B4GALT5: variants seen among roughly 807,000 people sequenced by gnomAD.
B4GALT5 encodes UDP-Gal:beta-GlcNAc beta-1,4-galactosyltransferase 5.
A neutral mutation model predicts 45.0 loss-of-function variants in B4GALT5; 11 were observed. That is an observed-to-expected ratio of 0.24 (90% confidence interval 0.15 to 0.40). B4GALT5 has a LOEUF of 0.40. Ranked by LOEUF, B4GALT5 falls within the 10% of genes least tolerant of loss-of-function variation. The pLI is 1.00. For missense variants in B4GALT5, 337 were observed against 500.2 expected (o/e 0.67, Z 3.11); for synonymous variants, 185 against 182.9 (o/e 1.01, Z -0.09).
At chr20:49,710,315 T>C (rs1197107233) in intron 1 of B4GALT5, among the ~76,000 whole-genome samples, 1 of 152,032 alleles carries the variant, frequency 6.6e-6, no homozygotes, top group Non-Finnish European at 1.5e-5. Flanking sequence ...GTGAACTACA[T>C]GAAACTGCTG....
Position 49,636,907 on chromosome 20 carries a change from GACAC to G in B4GALT5, c.1019+430_1019+433del, listed in dbSNP as rs5841760. Reference sequence around the variant, plus strand: ...ACAGTCTTCCCCACAATTTAGAAAAGACACACACACACACACACACACACACACA... The same window carrying G: ...ACAGTCTTCCCCACAATTTAGAAAAGACACACACACACACACACACACACA... On this transcript the variant is annotated intron_variant, in intron 8 of 8. Coordinates refer to ENST00000371711, the MANE Select transcript of B4GALT5 (RefSeq NM_004776.4). Among the ~76,000 whole-genome samples the G allele has an allele frequency of 1.4e-3, 203 of 146,492 alleles. 2 individuals carry two copies. The highest frequency in any genetic ancestry group is 4.2e-3 in the African/African-American group (165 of 39,488).
Position 49,713,713 on chromosome 20 carries a change from A to G in B4GALT5, c.-23T>C, listed in dbSNP as rs1164401556. ...CATGCTGCAGCCAGGCGGCCGCTAG[A>G]GAGCCAGGCCGGGCCTGCTCCCGCA... On this transcript the variant is annotated 5_prime_UTR_variant, in exon 1 of 9. Coordinates refer to ENST00000371711, the MANE Select transcript of B4GALT5 (RefSeq NM_004776.4). 10 of 1,220,154 alleles carry G rather than the reference A, an allele frequency of 8.2e-6. No homozygotes were observed. Among genetic ancestry groups the G allele is most frequent in the Admixed American group, 3.0e-5 (1 of 33,112 alleles). The allele number at this position is 1,220,154 out of a possible 1,614,324, so 75.6% of individuals were successfully genotyped here.
chr20:49,662,340 A>G (rs1212126104), intron 1 of B4GALT5, among the ~76,000 whole-genome samples: 2 of 152,134 alleles, frequency 1.3e-5, no homozygotes, highest in Non-Finnish European at 2.9e-5. Flanking sequence ...AACATACAAC[A>G]TATTTTAAAA....
chr20:49,680,594 A>G (rs1050181394), intron 1 of B4GALT5, among the ~76,000 whole-genome samples: 5 of 152,258 alleles, frequency 3.3e-5, no homozygotes, highest in African/African-American at 1.2e-4. Context: ...GATTATTAGA[A>G]GTTGCGGAGA....
intron 1 of B4GALT5, among the ~76,000 whole-genome samples, chr20:49,687,967 G>A (rs887918532): frequency 6.6e-6 from 1 of 152,214 alleles, no homozygotes; most frequent in Non-Finnish European, 1.5e-5. Context: ...AATCCGGAAG[G>A]GTAAACCCTT....
intron 1 of B4GALT5, among the ~76,000 whole-genome samples, chr20:49,702,091 C>T (rs1445955912): frequency 6.6e-6 from 1 of 152,014 alleles, no homozygotes; most frequent in African/African-American, 2.4e-5. Flanking sequence ...AAGGAAATAC[C>T]AAACAAAATG....
chr20:49,652,212 G>C (rs1381140722), intron 2 of B4GALT5, among the ~76,000 whole-genome samples: 1 of 151,912 alleles, frequency 6.6e-6, no homozygotes, highest in Non-Finnish European at 1.5e-5. Flanking sequence ...AGCTAAGCTT[G>C]GTATTGCTAC....
intron 1 of B4GALT5, among the ~76,000 whole-genome samples, chr20:49,675,085 G>A (rs781088778): frequency 6.6e-6 from 1 of 152,162 alleles, no homozygotes; most frequent in African/African-American, 2.4e-5. Flanking sequence ...GGAGTGGAGG[G>A]GATAAGAGCA....
At chr20:49,642,953 G>GCA (rs543756155) in intron 4 of B4GALT5, among the ~76,000 whole-genome samples, 197 of 152,316 alleles carry the variant, frequency 1.3e-3, no homozygotes, top group African/African-American at 4.0e-3. Flanking sequence ...TTATTCAACT[G>GCA]TTTTTATTTC....
chr20:49,708,119 C>T (rs1415131293), intron 1 of B4GALT5, among the ~76,000 whole-genome samples: 2 of 151,638 alleles, frequency 1.3e-5, no homozygotes, highest in Admixed American at 1.3e-4. Flanking sequence ...GTGGCAGGCG[C>T]CTGTAATCCC....
chr20:49,686,519 T>C (rs2085786065), intron 1 of B4GALT5, among the ~76,000 whole-genome samples: 1 of 151,238 alleles, frequency 6.6e-6, no homozygotes, highest in Non-Finnish European at 1.5e-5. Flanking sequence ...GGCAAGCCAA[T>C]GGTTAAAAAA....
In B4GALT5 at chr20:49,635,246, C is replaced by T. The variant is rs1016888649; in HGVS notation, c.*1066G>A. 7.1e-6 allele frequency: 1 copy of T among 140,526 alleles called. No homozygotes were observed. The allele number at this position is 140,526 out of a possible 1,614,324, so 8.7% of individuals were successfully genotyped here. ...ACACCCCCGCCCCCCGCCCCCCGCC[C>T]CGCCATGCTGATGAAAAGACAGAAC... On this transcript the variant is annotated 3_prime_UTR_variant, in exon 9 of 9. Transcript: ENST00000371711.
intron 7 of B4GALT5, among the ~76,000 whole-genome samples, 197 bp downstream of exon 7, chr20:49,639,481 G>A (rs1308404508): frequency 2.0e-5 from 3 of 151,854 alleles, no homozygotes; most frequent in African/African-American, 2.4e-5. Context: ...CTCCCACCTC[G>A]GCCTTCCAAA....
Position 49,696,693 on chromosome 20 carries a change from C to T in B4GALT5, c.115+16883G>A, listed in dbSNP as rs148057812. ...ATATCTGTGTATACAATGACAAGGA[C>T]ACAAGTGAAAACACTTGTGATGAAA... On this transcript the variant is annotated intron_variant, in intron 1 of 8. Coordinates refer to ENST00000371711, the MANE Select transcript of B4GALT5 (RefSeq NM_004776.4). Among the ~76,000 whole-genome samples, 137 of 152,254 alleles carry T rather than the reference C, an allele frequency of 9.0e-4. 2 individuals are homozygous for T. Among genetic ancestry groups the T allele is most frequent in the African/African-American group, 2.7e-3 (113 of 41,562 alleles).
At chr20:49,670,977 A>G (rs1232911392) in intron 1 of B4GALT5, among the ~76,000 whole-genome samples, 36 of 152,230 alleles carry the variant, frequency 2.4e-4, no homozygotes, top group Admixed American at 2.4e-3. Flanking sequence ...CAACCTATCT[A>G]TGCACCAAAA....
In B4GALT5 at chr20:49,634,501, GACT is replaced by G. The variant is rs1984460907; in HGVS notation, c.*1808_*1810del. On this transcript the variant is annotated 3_prime_UTR_variant, in exon 9 of 9. Transcript: ENST00000371711. ...CCAGAATTCTGCAGAAGCCGACAGA[GACT>G]ACAATTTGAGGGCTTTGGTTTGGGG... 6.6e-6 allele frequency: 1 copy of G among 152,190 alleles called. No homozygotes were observed. The highest frequency in any genetic ancestry group is 1.5e-5 in the Non-Finnish European group (1 of 68,044). The allele number at this position is 152,190 out of a possible 1,614,324, so 9.4% of individuals were successfully genotyped here.
At chr20:49,695,309 C>T (rs138439458) in intron 1 of B4GALT5, among the ~76,000 whole-genome samples, 12 of 152,060 alleles carry the variant, frequency 7.9e-5, no homozygotes, top group African/African-American at 1.9e-4. Flanking sequence ...ATGTCTTCCA[C>T]GGAACTGGTC....
intron 1 of B4GALT5, among the ~76,000 whole-genome samples, chr20:49,712,436 T>C (rs1407795750): frequency 6.6e-6 from 1 of 151,398 alleles, no homozygotes; most frequent in Admixed American, 6.6e-5. Flanking sequence ...TGCCCTGTGG[T>C]CTTATAAAAG....
rs1555814914 is a variant in B4GALT5 at position 49,703,730 on chromosome 20, A to AAAAAAAAAAAATAAT, written c.115+9845_115+9846insATTATTTTTTTTTTT. 1.0e-3 allele frequency among the ~76,000 whole-genome samples: 146 copies of AAAAAAAAAAAATAAT among 144,644 alleles called. 2 individuals carry two copies. Among genetic ancestry groups the AAAAAAAAAAAATAAT allele is most frequent in the African/African-American group, 2.9e-3 (107 of 36,412 alleles). The allele number at this position is 144,644 out of a possible 152,430, so 94.9% of individuals were successfully genotyped here. On this transcript the variant is annotated intron_variant, in intron 1 of 8. Transcript: ENST00000371711. ...ACGGCAAAGCCGCATTTCTACTAAA[A>AAAAAAAAAAAATAAT]AAAAAAAAAATAGCCAGGGGTCATG...
Sources: allele counts gnomAD v4.1 joint callset (sites outside exome capture counted in the v4.1 genomes callset), GRCh38; gene constraint gnomAD v4.1.1; transcripts MANE v1.5; gene names NCBI Gene and HGNC (gene_info 2026-07-23, HGNC 2026-07-21).